IMMP1L: variants seen among roughly 807,000 people sequenced by gnomAD.
The protein encoded by IMMP1L is mitochondrial inner membrane protease subunit 1.
IMMP1L carries 24 observed loss-of-function variants against 21.8 expected under a neutral mutation model. The ratio of observed to expected loss-of-function variants is 1.10; its 90% confidence interval spans 0.80 to 1.55. The LOEUF (loss-of-function observed/expected upper bound fraction) is 1.55, where lower values mean the gene tolerates loss of function less well. Among genes scored for constraint, IMMP1L ranks in the 40% most tolerant of loss-of-function variants. The pLI, the probability that IMMP1L is intolerant of heterozygous loss-of-function variation, is 0.00. For synonymous variants in IMMP1L, 46 were observed against 62.8 expected (o/e 0.73, Z 1.26); for missense variants, 195 against 200.7 (o/e 0.97, Z 0.17).
chr11:31,497,147 A>C (rs1955469295), intron 1 of IMMP1L, among the ~76,000 whole-genome samples: 1 of 151,464 alleles, frequency 6.6e-6, no homozygotes, highest in Non-Finnish European at 1.5e-5. Flanking sequence ...ATACATTTTC[A>C]ACTTATGGTA....
At chr11:31,453,002 T>C in intron 4 of IMMP1L, 1 of 1,084,990 alleles carries the variant, frequency 9.2e-7, no homozygotes, top group Non-Finnish European at 1.2e-6. Context: ...TCTGCCTGCC[T>C]TGGCCTCTCA....
chr11:31,493,274 G>A (rs973285385), intron 1 of IMMP1L, among the ~76,000 whole-genome samples: 3 of 152,142 alleles, frequency 2.0e-5, no homozygotes, highest in Non-Finnish European at 2.9e-5. Flanking sequence ...TACAATCATG[G>A]TGGAAGGAGA....
intron 1 of IMMP1L, 121 bp from the exon 2 acceptor site, chr11:31,463,426 A>G: frequency 1.2e-6 from 1 of 864,778 alleles, no homozygotes; most frequent in Non-Finnish European, 1.6e-6. Context: ...AATTTGGTGC[A>G]GGAAACCAAG....
chr11:31,489,458 C>T (rs1270449371), intron 1 of IMMP1L, among the ~76,000 whole-genome samples: 2 of 152,022 alleles, frequency 1.3e-5, no homozygotes, highest in African/African-American at 4.8e-5. Flanking sequence ...TTAACTTTGG[C>T]GAATGATATA....
intron 1 of IMMP1L, among the ~76,000 whole-genome samples, chr11:31,465,627 C>T (rs1954308577): frequency 6.6e-6 from 1 of 151,944 alleles, no homozygotes; most frequent in African/African-American, 2.4e-5. Context: ...ATAGAGAACC[C>T]AGAAATAAAT....
At chr11:31,494,647 C>CTT (rs879666703) in intron 1 of IMMP1L, among the ~76,000 whole-genome samples, 29 of 147,182 alleles carry the variant, frequency 2.0e-4, no homozygotes, top group African/African-American at 7.2e-4. Context: ...ATTTTCCAAA[C>CTT]TTTTTTTTTT....
intron 4 of IMMP1L, among the ~76,000 whole-genome samples, chr11:31,438,450 A>G (rs963854469): frequency 3.9e-5 from 6 of 152,072 alleles, no homozygotes; most frequent in Non-Finnish European, 7.4e-5. Context: ...GGGATTGCAA[A>G]TATTTTCTCC....
intron 1 of IMMP1L, among the ~76,000 whole-genome samples, chr11:31,496,632 T>G (rs1231507228): frequency 6.6e-6 from 1 of 151,576 alleles, no homozygotes; most frequent in East Asian, 1.9e-4. Context: ...TGTGTGTGTG[T>G]GTGTATATTA....
At chr11:31,482,619 G>A (rs1954934445) in intron 1 of IMMP1L, among the ~76,000 whole-genome samples, 1 of 151,820 alleles carries the variant, frequency 6.6e-6, no homozygotes, top group African/African-American at 2.4e-5. Flanking sequence ...CATTAATTGG[G>A]GAAATATAAA....
At chr11:31,433,248 G>A (rs1387848954) in intron 5 of IMMP1L, among the ~76,000 whole-genome samples, 1 of 152,160 alleles carries the variant, frequency 6.6e-6, no homozygotes, top group African/African-American at 2.4e-5. Flanking sequence ...CTATAGCTAA[G>A]GTAGTTTGGA....
rs34918026 is a variant in IMMP1L, at chr11:31,462,331, A to AAAAG, written c.105+840_105+841insCTTT. Reference sequence around the variant, plus strand: ...ACCCTGTCTCCAAAAAAAAAAAAAAAGAAGGGAAATTTCAGTTAAATATAT... The same window carrying AAAAG: ...ACCCTGTCTCCAAAAAAAAAAAAAAAAAAGGAAGGGAAATTTCAGTTAAATATAT... On this transcript the variant is annotated intron_variant, in intron 2 of 5. Transcript: ENST00000532287. 3.4e-5 allele frequency among the ~76,000 whole-genome samples: 5 copies of AAAAG among 147,202 alleles called. 1 individual carries two copies. The highest frequency in any genetic ancestry group is 7.7e-5 in the African/African-American group (3 of 39,020).
At chr11:31,504,766 T>C (rs1364757732) in intron 1 of IMMP1L, among the ~76,000 whole-genome samples, 2 of 152,226 alleles carry the variant, frequency 1.3e-5, no homozygotes, top group Admixed American at 6.5e-5. Context: ...AAAATAATGT[T>C]AAGCAAAAGA....
At chr11:31,501,894 C>T (rs768090339) in intron 1 of IMMP1L, among the ~76,000 whole-genome samples, 1 of 151,876 alleles carries the variant, frequency 6.6e-6, no homozygotes, top group Non-Finnish European at 1.5e-5. Context: ...ATGAGAATTA[C>T]TTGAACCTGG....
chr11:31,435,050 C>A (rs1036773645), intron 4 of IMMP1L, among the ~76,000 whole-genome samples: 1 of 152,124 alleles, frequency 6.6e-6, no homozygotes, highest in African/African-American at 2.4e-5. Flanking sequence ...GAACATCTTT[C>A]GTGTCTAAAT....
chr11:31,444,125 C>T (rs1456819427), intron 4 of IMMP1L, among the ~76,000 whole-genome samples: 1 of 152,152 alleles, frequency 6.6e-6, no homozygotes, highest in African/African-American at 2.4e-5. Context: ...CCAAATACAG[C>T]TTTGCATACT....
At chr11:31,474,398 G>A (rs1954663629) in intron 1 of IMMP1L, among the ~76,000 whole-genome samples, 1 of 151,920 alleles carries the variant, frequency 6.6e-6, no homozygotes, top group Non-Finnish European at 1.5e-5. Flanking sequence ...TCACCTTCAG[G>A]GCTGCTCATG....
At chr11:31,448,578 T>C (rs1263916681) in intron 4 of IMMP1L, among the ~76,000 whole-genome samples, 3 of 152,242 alleles carry the variant, frequency 2.0e-5, no homozygotes, top group African/African-American at 4.8e-5. Flanking sequence ...TTCATACCAA[T>C]AGCACTAACT....
chr11:31,445,931 G>A (rs914250136), intron 4 of IMMP1L, among the ~76,000 whole-genome samples: 2 of 151,980 alleles, frequency 1.3e-5, no homozygotes, highest in African/African-American at 4.8e-5. Flanking sequence ...CATCAAGGAG[G>A]GAATAGCAAA....
chr11:31,488,927 C>T (rs888971570), intron 1 of IMMP1L, among the ~76,000 whole-genome samples: 3 of 151,892 alleles, frequency 2.0e-5, no homozygotes, highest in South Asian at 2.1e-4. Flanking sequence ...GGCGGAGTCT[C>T]GCTCTGTTGC....
Sources: gnomAD v4.1 joint callset for allele counts (sites outside exome capture counted in the v4.1 genomes callset) on GRCh38, gnomAD v4.1.1 for gene constraint, MANE v1.5 for transcripts, NCBI Gene and HGNC (gene_info 2026-07-23, HGNC 2026-07-21) for gene names.